ROR1: variants seen among roughly 807,000 people sequenced by gnomAD.
ROR1 encodes inactive tyrosine-protein kinase transmembrane receptor ROR1.
Under a neutral mutation model 78.8 loss-of-function variants are expected in ROR1, and 19 were observed. The ratio of observed to expected loss-of-function variants is 0.24; its 90% CI spans 0.17 to 0.35. The LOEUF is 0.35. Among genes scored for constraint, ROR1 ranks in the 10% least tolerant of loss-of-function variants. The pLI is 1.00. For missense variants in ROR1, 917 were observed against 1,177.8 expected (o/e 0.78, Z 3.24); for synonymous variants, 386 against 433.6 (o/e 0.89, Z 1.36).
intron 1 of ROR1, among the ~76,000 whole-genome samples, chr1:63,831,982 G>A (rs2100300251): frequency 6.6e-6 from 1 of 152,246 alleles, no homozygotes; most frequent in African/African-American, 2.4e-5. Flanking sequence ...TCTCTCTCAA[G>A]TTTAAGGTTA....
At chr1:64,031,910 C>CTT (rs376056411) in intron 2 of ROR1, among the ~76,000 whole-genome samples, 1 of 146,724 alleles carries the variant, frequency 6.8e-6, no homozygotes. Flanking sequence ...CTATGAAACT[C>CTT]TTTTTTTTTT....
intron 1 of ROR1, among the ~76,000 whole-genome samples, chr1:63,972,111 T>C (rs1463003805): frequency 2.0e-5 from 3 of 152,222 alleles, no homozygotes; most frequent in Non-Finnish European, 4.4e-5. Flanking sequence ...GCTGTGTTCT[T>C]TTCCTTTGCA....
intron 1 of ROR1, among the ~76,000 whole-genome samples, chr1:63,906,581 G>T (rs563541916): frequency 6.6e-6 from 1 of 152,202 alleles, no homozygotes; most frequent in African/African-American, 2.4e-5. Flanking sequence ...TGTCCAGAGG[G>T]TAATTACCCA....
intron 4 of ROR1, among the ~76,000 whole-genome samples, chr1:64,058,418 G>A (rs563017110): frequency 6.6e-6 from 1 of 151,582 alleles, no homozygotes; most frequent in Non-Finnish European, 1.5e-5. Flanking sequence ...CTTATCTTTA[G>A]TGAAAAGATT....
intron 1 of ROR1, among the ~76,000 whole-genome samples, chr1:63,845,322 TATC>T (rs2100321426): frequency 6.6e-6 from 1 of 152,320 alleles, no homozygotes. Context: ...ATGTTTAAGG[TATC>T]ATTTTTTAAC....
rs146172518 is a variant in ROR1 at position 63,921,393 on chromosome 1, C to T, written c.92-87912C>T. On this transcript the variant is annotated intron_variant, in intron 1 of 8. Coordinates refer to ENST00000371079, the MANE Select transcript of ROR1 (RefSeq NM_005012.4). ...AGGTGACCTCTTGAAGTAGCAAGATCTTAGAGAACCAAGTAAATGGCAGAG... is the reference window on the plus strand; with the variant it reads ...AGGTGACCTCTTGAAGTAGCAAGATTTTAGAGAACCAAGTAAATGGCAGAG... Among the ~76,000 whole-genome samples the T allele has an allele frequency of 5.6e-3, 859 of 152,114 alleles. 7 individuals are homozygous for T. The highest frequency in any genetic ancestry group is 0.02 in the African/African-American group (829 of 41,472).
intron 1 of ROR1, among the ~76,000 whole-genome samples, chr1:63,811,114 G>A (rs1451698017): frequency 1.3e-5 from 2 of 152,248 alleles, no homozygotes; most frequent in Non-Finnish European, 1.5e-5. Context: ...TATATAATTT[G>A]CTTTAACTTG....
intron 1 of ROR1, among the ~76,000 whole-genome samples, chr1:63,892,300 A>G (rs855831): frequency 0.83 from 126,230 of 152,080 alleles, 54,125 homozygotes; most frequent in East Asian, 1. Context: ...GGGAGGGCAG[A>G]GGAGGCTCTG....
intron 4 of ROR1, among the ~76,000 whole-genome samples, chr1:64,058,903 G>T (rs1569649689): frequency 6.6e-6 from 1 of 152,048 alleles, no homozygotes; most frequent in East Asian, 1.9e-4. Context: ...AGTTTGTAAA[G>T]GATTTTTATT....
At chr1:63,867,095 T>C (rs1373491721) in intron 1 of ROR1, among the ~76,000 whole-genome samples, 2 of 152,230 alleles carry the variant, frequency 1.3e-5, no homozygotes, top group East Asian at 1.9e-4. Context: ...CCTGTACTTA[T>C]ACTGTATGGG....
At chr1:64,003,849 C>T (rs1052228150) in intron 1 of ROR1, among the ~76,000 whole-genome samples, 7 of 152,228 alleles carry the variant, frequency 4.6e-5, no homozygotes, top group Admixed American at 4.6e-4. Context: ...AAGCCTTCAC[C>T]AAACAACATC....
intron 1 of ROR1, among the ~76,000 whole-genome samples, chr1:63,994,389 A>G (rs1024043023): frequency 1.3e-5 from 2 of 152,194 alleles, no homozygotes; most frequent in African/African-American, 4.8e-5. Context: ...GCAGTAGGAT[A>G]TCAATAACTC....
At chr1:63,999,830 G>A (rs1488998116) in intron 1 of ROR1, among the ~76,000 whole-genome samples, 1 of 152,100 alleles carries the variant, frequency 6.6e-6, no homozygotes, top group African/African-American at 2.4e-5. Flanking sequence ...ATGGCTTTAG[G>A]AAACACCCAG....
intron 7 of ROR1, among the ~76,000 whole-genome samples, chr1:64,149,597 C>T (rs184586274): frequency 6.6e-6 from 1 of 152,262 alleles, no homozygotes; most frequent in Non-Finnish European, 1.5e-5. Flanking sequence ...AGGGTGTGCC[C>T]TTCTCCCATT....
intron 7 of ROR1, among the ~76,000 whole-genome samples, chr1:64,156,523 A>G (rs1156965534): frequency 1.3e-5 from 2 of 152,100 alleles, no homozygotes; most frequent in Non-Finnish European, 2.9e-5. Flanking sequence ...CCTGGCCAAC[A>G]TGGTGAAACC....
intron 4 of ROR1, among the ~76,000 whole-genome samples, chr1:64,062,074 G>T (rs1646921310): frequency 6.6e-6 from 1 of 152,190 alleles, no homozygotes; most frequent in African/African-American, 2.4e-5. Flanking sequence ...CTGTGATATT[G>T]TGCGCTCCTG....
intron 4 of ROR1, among the ~76,000 whole-genome samples, chr1:64,103,945 G>A (rs1468360408): frequency 6.6e-6 from 1 of 152,038 alleles, no homozygotes; most frequent in East Asian, 1.9e-4. Context: ...AACATTTTTG[G>A]TTATCACAAC....
rs1644596237 is a variant in ROR1, at chr1:63,774,206, G to A, written c.-212G>A. On this transcript the variant is annotated 5_prime_UTR_variant, in exon 1 of 9. Transcript: ENST00000371079. The surrounding 1 kb of genome is among the most constrained non-coding windows in gnomAD (Gnocchi z 5.7). The stretch of plus-strand genomic sequence containing the variant: ...GCCGGCCCAGGCGAGGCTGCAGCCA[G>A]AGGGCTGGGAAGGGATCGCGCTCGC... 1 of 237,652 alleles carries A rather than the reference G, an allele frequency of 4.2e-6. No individual in the cohort carries two copies. Among genetic ancestry groups the A allele is most frequent in the Non-Finnish European group, 8.0e-6 (1 of 125,234 alleles). The allele number at this position is 237,652 out of a possible 1,614,324, so 14.7% of individuals were successfully genotyped here. A position where few individuals can be genotyped will look rare whatever the true frequency, so the allele number is the denominator to read the frequency against.
intron 1 of ROR1, among the ~76,000 whole-genome samples, chr1:63,875,913 T>A (rs1477273193): frequency 6.6e-6 from 1 of 152,224 alleles, no homozygotes; most frequent in African/African-American, 2.4e-5. Context: ...ATAGTCAATT[T>A]TCCTGGCACT....
Sources: allele counts gnomAD v4.1 joint callset (sites outside exome capture counted in the v4.1 genomes callset), GRCh38; gene constraint gnomAD v4.1.1; non-coding constraint Gnocchi (gnomAD v3.1); transcripts MANE v1.5; gene names NCBI Gene and HGNC (gene_info 2026-07-23, HGNC 2026-07-21).